GIGYF1: variants seen among roughly 807,000 people sequenced by gnomAD.
GIGYF1 encodes the protein GRB10 interacting GYF protein 1.
A neutral mutation model predicts 147.1 loss-of-function variants in GIGYF1; 84 were observed. The observed-to-expected ratio is 0.57, with a 90% CI of 0.48 to 0.68. The LOEUF (loss-of-function observed/expected upper bound fraction) is 0.68. Ranked by LOEUF, GIGYF1 falls within the 30% of genes least tolerant of loss-of-function variation. The pLI is 0.00. For synonymous variants in GIGYF1, 752 were observed against 589.5 expected (o/e 1.28, Z -3.99); for missense variants, 1,485 against 1,393.7 (o/e 1.07, Z -1.04).
At position 100,682,749 on chromosome 7, in the gene GIGYF1, A is replaced by AG. The variant is rs764865806; in HGVS notation, c.2440dup (p.Leu814ProfsTer7). On this transcript the variant is annotated frameshift_variant, in exon 23 of 27. Transcript: ENST00000678049. LOFTEE classifies it high-confidence loss of function. ...CCCAGCCTCAGACACCCACTGGTTCAGGGGGGCAGTGCCCAGGCCCCCAAG... is the reference window on the plus strand; with the variant it reads ...CCCAGCCTCAGACACCCACTGGTTCAGGGGGGGCAGTGCCCAGGCCCCCAAG... The AG allele has an allele frequency of 2.6e-6, 4 of 1,540,424 alleles. No homozygotes were observed. The highest frequency in any genetic ancestry group is 2.6e-6 in the Non-Finnish European group (3 of 1,145,600).
In GIGYF1 at chr7:100,689,013, G is replaced by A. The variant is rs1285719596; in HGVS notation, c.-556C>T. On this transcript the variant is annotated 5_prime_UTR_variant, in exon 2 of 27. Transcript: ENST00000678049. ...AGAAAAGGTCAGTTACGGAGAAAAG[G>A]ATTAGAAATAAATCTAGGAGCAAAA... 6.5e-6 allele frequency: 1 copy of A among 152,866 alleles called. No homozygotes were observed. Among genetic ancestry groups the A allele is most frequent in the East Asian group, 1.9e-4 (1 of 5,204 alleles). The allele number at this position is 152,866 out of a possible 1,614,324, so 9.5% of individuals were successfully genotyped here. A position where few individuals can be genotyped will look rare whatever the true frequency, so the allele number is the denominator to read the frequency against.
chr7:100,683,987 C>T, intron 18 of GIGYF1, 33 bp downstream of exon 18: 1 of 1,590,462 alleles, frequency 6.3e-7, no homozygotes, highest in Non-Finnish European at 8.5e-7. Context: ...CCCCCCCCAC[C>T]CTGTATCCTG....
intron 1 of GIGYF1, among the ~76,000 whole-genome samples, chr7:100,691,844 G>C (rs183771428): frequency 6.6e-5 from 10 of 152,380 alleles, no homozygotes; most frequent in Admixed American, 3.3e-4. Context: ...CCGGAGACAA[G>C]GGGCGAGGAC....
chr7:100,687,258 G>T, intron 8 of GIGYF1, 40 bp downstream of exon 8: 1 of 1,584,034 alleles, frequency 6.3e-7, no homozygotes, highest in Non-Finnish European at 8.7e-7. Flanking sequence ...TCCCCTCCCT[G>T]GCCTGCCCGG....
At chr7:100,684,681 A>T in intron 15 of GIGYF1, 42 bp downstream of exon 15, 1 of 1,611,796 alleles carries the variant, frequency 6.2e-7, no homozygotes, top group Non-Finnish European at 8.5e-7. Flanking sequence ...GACACCCTGA[A>T]CCAGAACGGC....
At chr7:100,687,939 G>T (rs996597193) in intron 5 of GIGYF1, 42 bp downstream of exon 5, 1 of 1,610,554 alleles carries the variant, frequency 6.2e-7, no homozygotes, top group African/African-American at 1.3e-5. Context: ...CCCTCCACAG[G>T]CAGAGGCCAC....
chr7:100,683,325 T>C lies in GIGYF1; in HGVS notation c.2172A>G (p.Glu724=), dbSNP rs780782148. Residue 724 remains glutamate, a synonymous_variant, in exon 21 of 27, where the codon GAA becomes GAG. Coordinates refer to ENST00000678049, the MANE Select transcript of GIGYF1 (RefSeq NM_001375765.1). The part of the protein sequence containing the change: ...QEEQKRRQEE[E]ELFRRKHVRQ... ...CCACGTGCTTGCGCCGAAACAGCTC[T>C]TCCTCCTCCTGCCGCCGCTTCTGCT... is the stretch of plus-strand genomic sequence containing the variant. 9 of 1,613,842 alleles carry C rather than the reference T, an allele frequency of 5.6e-6. No homozygotes were observed. Among genetic ancestry groups the C allele is most frequent in the East Asian group, 4.5e-5 (2 of 44,878 alleles).
chr7:100,687,266 C>A, intron 8 of GIGYF1, 32 bp downstream of exon 8: 1 of 1,595,856 alleles, frequency 6.3e-7, no homozygotes, highest in Non-Finnish European at 8.6e-7. Flanking sequence ...CTGGCCTGCC[C>A]GGCTCTGCGC....
At position 100,685,432 on chromosome 7, in the gene GIGYF1, G is replaced by T. The variant is rs757403284; in HGVS notation, c.1104C>A (p.Ser368=). The T allele has an allele frequency of 6.3e-7, 1 of 1,589,060 alleles. No homozygotes were observed. Among genetic ancestry groups the T allele is most frequent in the Non-Finnish European group, 8.5e-7 (1 of 1,174,158 alleles). The change falls in exon 13 of 27, where the codon TCC becomes TCA. Residue 368 remains serine (S), a synonymous_variant. Transcript: ENST00000678049. Reference sequence around the variant, plus strand: ...GGCCCAGGGTGGGCAGTGGGGATGGGGAGCTGGACTTCTCCTCCTGAGGAG... The same window carrying T: ...GGCCCAGGGTGGGCAGTGGGGATGGTGAGCTGGACTTCTCCTCCTGAGGAG... ...PLPPQEEKSS[S]PSPLPTLGPL...
chr7:100,681,558 G>T lies in GIGYF1; in HGVS notation c.*161C>A. The T allele has an allele frequency of 2.1e-6, 1 of 484,574 alleles. No homozygotes were observed. Among genetic ancestry groups the T allele is most frequent in the Non-Finnish European group, 3.5e-6 (1 of 284,804 alleles). 30.0% of individuals were successfully genotyped at this position (484,574 alleles called of 1,614,324 possible). A position where few individuals can be genotyped will look rare whatever the true frequency, so the allele number is the denominator to read the frequency against. ...TCCCCCAGTCTGTAAAGTGCCTCGT[G>T]GTGGGTGAGTTAAGGTGCATCGTGT... On this transcript the variant is annotated 3_prime_UTR_variant, in exon 27 of 27. Coordinates refer to ENST00000678049, the MANE Select transcript of GIGYF1 (RefSeq NM_001375765.1).
rs753660933 is a variant in GIGYF1, at chr7:100,684,778, G to A, written c.1407C>T (p.Leu469=). Residue 469 remains leucine, a synonymous_variant, in exon 15 of 27, where the codon CTC becomes CTT. Transcript: ENST00000678049. ...ACCACTTCCGGGCAGCCCCATGGCTGAGCGGGAGGGCAGTGGCGGCTGCAG... is the reference window on the plus strand; with the variant it reads ...ACCACTTCCGGGCAGCCCCATGGCTAAGCGGGAGGGCAGTGGCGGCTGCAG... ...RHSAAATALP[L]SHGAARKWFY... 31 of 1,612,206 alleles carry A rather than the reference G, an allele frequency of 1.9e-5. No individual in the cohort carries two copies. The Admixed American group carries it at 3.8e-4, about 20-fold the overall frequency.
Position 100,682,591 on chromosome 7 carries a change from TGA to T in GIGYF1, c.2597_2598del (p.Leu866GlnfsTer2), listed in dbSNP as rs760424864. On this transcript the variant is annotated frameshift_variant and splice_region_variant, in exon 23 of 27. Coordinates refer to ENST00000678049, the MANE Select transcript of GIGYF1 (RefSeq NM_001375765.1). LOFTEE classifies it high-confidence loss of function. ...GLKNSRSSPS[L>X]SDSYSHLSGR... Reference sequence around the variant, plus strand: ...GGAGCCTCCAGGTGCCACGCCCACCTGAGAGATGGGCTGCTCCGGCTGTTCTT... The same window carrying T: ...GGAGCCTCCAGGTGCCACGCCCACCTGAGATGGGCTGCTCCGGCTGTTCTT... 1.3e-6 allele frequency: 2 copies of T among 1,595,986 alleles called. No homozygotes were observed. The highest frequency in any genetic ancestry group is 1.7e-6 in the Non-Finnish European group (2 of 1,174,544).
rs1487473098 is a variant in GIGYF1 at position 100,686,453 on chromosome 7, G to A, written c.695-20C>T. 3 of 1,564,620 alleles carry A rather than the reference G, an allele frequency of 1.9e-6. No individual in the cohort carries two copies. The highest frequency in any genetic ancestry group is 2.7e-5 in the African/African-American group (2 of 73,452). ...CACCATCTGCACAGGAAAAGTCAGG[G>A]AGAAGAAGAGTGGGTACCCAAGCGA... On this transcript the variant is annotated intron_variant, in intron 10 of 26. Coordinates refer to ENST00000678049, the MANE Select transcript of GIGYF1 (RefSeq NM_001375765.1).
intron 14 of GIGYF1, 59 bp downstream of exon 14, chr7:100,684,990 G>GCCAA (rs1805178740): frequency 6.4e-7 from 1 of 1,558,756 alleles, no homozygotes; most frequent in Non-Finnish European, 8.7e-7. Context: ...CGGGGCTGGG[G>GCCAA]CCAAGCAGGT....
intron 24 of GIGYF1, 38 bp from the exon 25 acceptor site, chr7:100,682,273 G>C: frequency 6.2e-7 from 1 of 1,607,906 alleles, no homozygotes; most frequent in Non-Finnish European, 8.5e-7. Flanking sequence ...CCCCCTGGCC[G>C]GGTCTGGAGA....
At position 100,680,357 on chromosome 7, in the gene GIGYF1, C is replaced by G. The variant is rs1285188937; in HGVS notation, c.*1362G>C. On this transcript the variant is annotated 3_prime_UTR_variant, in exon 27 of 27. Transcript: ENST00000678049. ...TGAGCAATGAGGTCAATGGGAGGAGCTGGATGAGAAACCCAAAAGACAAAA... is the reference window on the plus strand; with the variant it reads ...TGAGCAATGAGGTCAATGGGAGGAGGTGGATGAGAAACCCAAAAGACAAAA... 2 of 152,520 alleles carry G rather than the reference C, an allele frequency of 1.3e-5. No individual in the cohort carries two copies. Among genetic ancestry groups the G allele is most frequent in the Non-Finnish European group, 2.9e-5 (2 of 68,036 alleles). 9.4% of individuals were successfully genotyped at this position (152,520 alleles called of 1,614,324 possible).
In GIGYF1 at chr7:100,688,613, A is replaced by G. The variant is rs915829872; in HGVS notation, c.-156T>C. ...TCACCTGGCAGCCTGGCCCGGGAAG[A>G]AGGAGGGCAGGGGCTGGTGCTGGAG... is the stretch of plus-strand genomic sequence containing the variant. On this transcript the variant is annotated 5_prime_UTR_variant, in exon 2 of 27. Transcript: ENST00000678049. The G allele has an allele frequency of 3.6e-5, 18 of 497,222 alleles. No individual in the cohort carries two copies. The highest frequency in any genetic ancestry group is 1.7e-4 in the African/African-American group (9 of 51,948). The allele number at this position is 497,222 out of a possible 1,614,324, so 30.8% of individuals were successfully genotyped here. A position where few individuals can be genotyped will look rare whatever the true frequency, so the allele number is the denominator to read the frequency against.
At chr7:100,687,147 G>A (rs1805434678) in intron 8 of GIGYF1, 101 bp from the exon 9 acceptor site, 1 of 1,530,644 alleles carries the variant, frequency 6.5e-7, no homozygotes, top group East Asian at 2.2e-5. Context: ...GGCAGTGGAG[G>A]GAGGAAGGGG....
chr7:100,686,641 A>C lies in GIGYF1; in HGVS notation c.694+8T>G. 1 of 1,607,298 alleles carries C rather than the reference A, an allele frequency of 6.2e-7. No individual in the cohort carries two copies. The highest frequency in any genetic ancestry group is 8.5e-7 in the Non-Finnish European group (1 of 1,177,838). On this transcript the variant is annotated splice_region_variant and intron_variant, in intron 10 of 26. Transcript: ENST00000678049. ...GCCCCCGCCAATGCTACCAGGCCCC[A>C]ATCTCACCAGGGCTGGCGGAGCGCC...
Sources: gnomAD v4.1 joint callset for allele counts (sites outside exome capture counted in the v4.1 genomes callset) on GRCh38, gnomAD v4.1.1 for gene constraint, MANE v1.5 for transcripts, NCBI Gene and HGNC (gene_info 2026-07-23, HGNC 2026-07-21) for gene names.